The following IFITM10 variants were observed in gnomAD, a reference collection of about 807,000 sequenced individuals.
IFITM10 encodes the protein interferon induced transmembrane protein 10, also known as interferon-induced transmembrane protein 10.
A neutral mutation model predicts 19.0 loss-of-function variants in IFITM10; 17 were observed. That is an observed-to-expected ratio of 0.90 (90% CI 0.61 to 1.34). IFITM10 has a LOEUF of 1.34. IFITM10 is among the 40% of genes most tolerant of loss of function. IFITM10 has a pLI of 0.00. For missense variants in IFITM10, 306 were observed against 319.8 expected (o/e 0.96, Z 0.33); for synonymous variants, 148 against 147.2 (o/e 1.01, Z -0.04).
At position 1,734,990 on chromosome 11, in the gene IFITM10, G is replaced by C. The variant is rs1851068558; in HGVS notation, c.*290C>G. ...GCCTGGGAAGGGGCACGTGAGGGCA[G>C]GGACACAGACGCTGGAAGCCAGGGT... On this transcript the variant is annotated 3_prime_UTR_variant, in exon 3 of 3. Coordinates refer to ENST00000340134, the MANE Select transcript of IFITM10 (RefSeq NM_001170820.4). 3 of 439,114 alleles carry C rather than the reference G, an allele frequency of 6.8e-6. No homozygotes were observed. The highest frequency in any genetic ancestry group is 1.2e-5 in the Non-Finnish European group (3 of 245,704). The allele number at this position is 439,114 out of a possible 1,614,324, so 27.2% of individuals were successfully genotyped here.
At chr11:1,748,186 C>T (rs1400426603) in intron 1 of IFITM10, 67 bp from the exon 2 acceptor site, 2 of 1,171,412 alleles carry the variant, frequency 1.7e-6, no homozygotes, top group Non-Finnish European at 2.2e-6. Context: ...TCACGCCCAG[C>T]AGCTCCGAGA....
intron 2 of IFITM10, among the ~76,000 whole-genome samples, chr11:1,738,174 T>G (rs935058003): frequency 6.6e-6 from 1 of 151,864 alleles, no homozygotes; most frequent in African/African-American, 2.4e-5. Context: ...TGGACGGATA[T>G]AAAATGTACG....
At chr11:1,740,637 CA>C (rs1417046514) in intron 2 of IFITM10, among the ~76,000 whole-genome samples, 1 of 152,134 alleles carries the variant, frequency 6.6e-6, no homozygotes, top group African/African-American at 2.4e-5. Flanking sequence ...AGATATATAG[CA>C]GATATTTGGC....
intron 2 of IFITM10, among the ~76,000 whole-genome samples, chr11:1,747,341 C>A (rs187001219): frequency 2.6e-5 from 4 of 152,272 alleles, no homozygotes; most frequent in African/African-American, 9.6e-5. Context: ...GTCCCCTGAG[C>A]CTGAGCAACC....
chr11:1,744,274 G>A (rs1315202159), intron 2 of IFITM10: 2 of 152,312 alleles, frequency 1.3e-5, no homozygotes, highest in Non-Finnish European at 2.9e-5. Context: ...GCTGGGGTGA[G>A]CAGATGTGGC....
intron 2 of IFITM10, among the ~76,000 whole-genome samples, chr11:1,742,766 G>T (rs1302283155): frequency 6.6e-6 from 1 of 152,216 alleles, no homozygotes; most frequent in Non-Finnish European, 1.5e-5. Context: ...GAGCCTGAAT[G>T]ATCATGTGTG....
In IFITM10 at chr11:1,747,654, C is replaced by G; in HGVS notation, c.537+13G>C. 2 of 1,551,046 alleles carry G rather than the reference C, an allele frequency of 1.3e-6. No homozygotes were observed. Among genetic ancestry groups the G allele is most frequent in the South Asian group, 1.2e-5 (1 of 84,028 alleles). ...CTAGCCCGCCCTTGCCCCCTGCCAC[C>G]GCCCGGGCTCACTTTGAGGGAGTAG... is the stretch of plus-strand genomic sequence containing the variant. On this transcript the variant is annotated intron_variant, in intron 2 of 2. Coordinates refer to ENST00000340134, the MANE Select transcript of IFITM10 (RefSeq NM_001170820.4).
chr11:1,749,092 T>G (rs1023417667), intron 1 of IFITM10: 1 of 1,144,520 alleles, frequency 8.7e-7, no homozygotes, highest in Non-Finnish European at 1.1e-6. Flanking sequence ...CGCGGGCCGC[T>G]GTCTGTCCAC....
chr11:1,747,269 G>C (rs1845661686), intron 2 of IFITM10, among the ~76,000 whole-genome samples: 1 of 152,136 alleles, frequency 6.6e-6, no homozygotes, highest in Admixed American at 6.5e-5. Flanking sequence ...GCCCTCTTCA[G>C]CCCCACGCTG....
intron 1 of IFITM10, 195 bp from the exon 2 acceptor site, chr11:1,748,314 A>G (rs1242101097): frequency 4.7e-6 from 2 of 428,124 alleles, no homozygotes; most frequent in Admixed American, 8.1e-5. Flanking sequence ...CCTTCGCAGC[A>G]GCCTTGGCAG....
chr11:1,738,754 C>A (rs376368490), intron 2 of IFITM10, among the ~76,000 whole-genome samples: 30 of 152,172 alleles, frequency 2.0e-4, no homozygotes, highest in African/African-American at 6.0e-4. Context: ...TGGGATCAGG[C>A]TTGCAGTGTG....
intron 2 of IFITM10, among the ~76,000 whole-genome samples, chr11:1,742,862 T>G (rs1005377991): frequency 8.6e-5 from 13 of 151,864 alleles, no homozygotes. Flanking sequence ...TTTGGGTGGA[T>G]GGACGGAGGG....
rs773191859 is a variant in IFITM10 at position 1,747,781 on chromosome 11, G to A, written c.423C>T (p.Ile141=). The A allele has an allele frequency of 3.9e-6, 6 of 1,551,624 alleles. No homozygotes were observed. Among genetic ancestry groups the A allele is most frequent in the Non-Finnish European group, 5.2e-6 (6 of 1,146,824 alleles). ...KKTMTNPTTV[I]EVYPDTTEVN... Reference sequence around the variant, plus strand: ...CCTCGGTGGTGTCCGGGTAGACCTCGATGACGGTCGTGGGGTTGGTCATCG... The same window carrying A: ...CCTCGGTGGTGTCCGGGTAGACCTCAATGACGGTCGTGGGGTTGGTCATCG... The change falls in exon 2 of 3, where the codon ATC becomes ATT. Residue 141 remains isoleucine (I), a synonymous_variant. Coordinates refer to ENST00000340134, the MANE Select transcript of IFITM10 (RefSeq NM_001170820.4).
chr11:1,748,465 A>C, intron 1 of IFITM10: 29 of 242,192 alleles, frequency 1.2e-4, no homozygotes, highest in South Asian at 1.8e-4. Flanking sequence ...CACCCCAAAC[A>C]ACCCCGCACA....
At chr11:1,736,479 A>G (rs958737366) in intron 2 of IFITM10, among the ~76,000 whole-genome samples, 9 of 152,134 alleles carry the variant, frequency 5.9e-5, no homozygotes, top group Non-Finnish European at 2.9e-5. Flanking sequence ...GAGAGAAAAA[A>G]GAAGATAGAG....
chr11:1,745,155 A>G (rs746067805), intron 2 of IFITM10: 1 of 152,674 alleles, frequency 6.5e-6, no homozygotes, highest in Non-Finnish European at 1.5e-5. Context: ...CACCACCCCC[A>G]ACCCCTGCAG....
At chr11:1,743,197 AGATG>A (rs921930419) in intron 2 of IFITM10, among the ~76,000 whole-genome samples, 30 of 144,440 alleles carry the variant, frequency 2.1e-4, no homozygotes, top group African/African-American at 7.5e-4. Flanking sequence ...GACAAATGGA[AGATG>A]GATGGATGGA....
chr11:1,737,562 G>A (rs1029127814), intron 2 of IFITM10, among the ~76,000 whole-genome samples: 2 of 152,160 alleles, frequency 1.3e-5, no homozygotes, highest in African/African-American at 4.8e-5. Context: ...CAGGGTTGTG[G>A]GAAAGGCTTA....
At chr11:1,746,217 CCTCA>C (rs1845647063) in intron 2 of IFITM10, 1 of 212,468 alleles carries the variant, frequency 4.7e-6, no homozygotes, top group African/African-American at 2.3e-5. Context: ...GCACACACGC[CCTCA>C]CACACTTGTG....
Sources: allele counts gnomAD v4.1 joint callset (sites outside exome capture counted in the v4.1 genomes callset), GRCh38; gene constraint gnomAD v4.1.1; transcripts MANE v1.5; gene names NCBI Gene and HGNC (gene_info 2026-07-23, HGNC 2026-07-21).